MACROD2: variants seen among roughly 807,000 people sequenced by gnomAD.
MACROD2 encodes the protein ADP-ribose glycohydrolase MACROD2.
MACROD2 carries 36 observed loss-of-function variants against 70.4 expected under a neutral mutation model. The observed-to-expected ratio is 0.51, with a 90% CI of 0.39 to 0.68. The LOEUF (loss-of-function observed/expected upper bound fraction) is 0.68, where lower values mean the gene tolerates loss of function less well. MACROD2 is among the 30% of genes least tolerant of loss of function. The probability of loss-of-function intolerance (pLI) is 0.00; values close to 1 mark genes in which losing one functional copy is unlikely to be tolerated. For missense variants in MACROD2, 496 were observed against 538.4 expected, an observed-to-expected ratio of 0.92 and a Z score of 0.78; for synonymous variants, 172 against 178.8, an observed-to-expected ratio of 0.96 and a Z score of 0.30.
intron 5 of MACROD2, among the ~76,000 whole-genome samples, chr20:15,054,111 T>A (rs2075464108): frequency 6.6e-6 from 1 of 152,212 alleles, no homozygotes; most frequent in East Asian, 1.9e-4. Flanking sequence ...GAAACTGGTT[T>A]ATTGAGATGG....
chr20:15,993,521 C>T (rs1199748961), intron 15 of MACROD2, among the ~76,000 whole-genome samples: 2 of 151,898 alleles, frequency 1.3e-5, no homozygotes, highest in Non-Finnish European at 2.9e-5. Flanking sequence ...TAGGCTATAC[C>T]ATCGAGGTTT....
rs2064909450 is a variant in MACROD2, at chr20:15,892,807, T to G, written c.775+6996T>G. The G allele has an allele frequency of 1.5e-5, 6 of 394,602 alleles. No individual in the cohort carries two copies. In the East Asian group the frequency reaches 2.1e-4, roughly 14 times the overall value. The allele number at this position is 394,602 out of a possible 1,614,324, so 24.4% of individuals were successfully genotyped here. A position where few individuals can be genotyped will look rare whatever the true frequency, so the allele number is the denominator to read the frequency against. ...GCTCAGCCATGATGACAGATGAAAC[T>G]GCAATTAAGATTCAGCGTGTGTGTA... is the stretch of plus-strand genomic sequence containing the variant. On this transcript the variant is annotated intron_variant, in intron 10 of 17. Coordinates refer to ENST00000684519, the MANE Select transcript of MACROD2 (RefSeq NM_001351661.2).
intron 8 of MACROD2, among the ~76,000 whole-genome samples, chr20:15,765,797 A>T (rs2051513184): frequency 6.6e-6 from 1 of 152,226 alleles, no homozygotes; most frequent in Non-Finnish European, 1.5e-5. Context: ...CAGATAATAG[A>T]GCTTGTACTT....
rs147121584 is a variant in MACROD2 at position 14,773,710 on chromosome 20, A to G, written c.418+88751A>G. Among the ~76,000 whole-genome samples, 46 of 152,214 alleles carry G rather than the reference A, an allele frequency of 3.0e-4. 1 individual carries two copies. The highest frequency in any genetic ancestry group is 2.4e-3 in the Admixed American group (36 of 15,274). On this transcript the variant is annotated intron_variant, in intron 5 of 17. Transcript: ENST00000684519. ...AAAGGGCTTAACTCACATCTAATAT[A>G]TAGTTGACTTCATTGTACAGTAAGT...
chr20:14,911,552 CT>C (rs910021734), intron 5 of MACROD2, among the ~76,000 whole-genome samples: 6 of 151,244 alleles, frequency 4.0e-5, no homozygotes, highest in Non-Finnish European at 5.9e-5. Context: ...AACTTTTAAA[CT>C]TTTTTTTTAA....
At chr20:15,508,652 C>T (rs1018098749) in intron 8 of MACROD2, among the ~76,000 whole-genome samples, 11 of 152,284 alleles carry the variant, frequency 7.2e-5, no homozygotes, top group Middle Eastern at 3.4e-3. Flanking sequence ...GCCTGTCTAG[C>T]GTTGGGCACC....
intron 8 of MACROD2, among the ~76,000 whole-genome samples, chr20:15,578,397 T>A (rs912555173): frequency 3.3e-5 from 5 of 152,176 alleles, no homozygotes; most frequent in Non-Finnish European, 7.4e-5. Flanking sequence ...TTCACCTGCT[T>A]AAGGAAGATA....
intron 3 of MACROD2, among the ~76,000 whole-genome samples, chr20:14,268,327 T>G (rs1303777922): frequency 6.6e-6 from 1 of 152,178 alleles, no homozygotes; most frequent in Non-Finnish European, 1.5e-5. Context: ...AATGTTATTT[T>G]CCATTGGATT....
chr20:15,950,005 T>G (rs1003374297), intron 12 of MACROD2, among the ~76,000 whole-genome samples: 2 of 152,192 alleles, frequency 1.3e-5, no homozygotes, highest in South Asian at 4.1e-4. Context: ...TTTAAGAGTA[T>G]GTATTTTTCT....
intron 6 of MACROD2, among the ~76,000 whole-genome samples, chr20:15,390,956 A>T (rs1008860430): frequency 7.9e-5 from 12 of 152,186 alleles, no homozygotes; most frequent in Non-Finnish European, 1.5e-5. Flanking sequence ...TTCATTTGGA[A>T]GATGGAGATG....
chr20:15,027,863 CTG>C (rs1039789664), intron 5 of MACROD2, among the ~76,000 whole-genome samples: 2 of 152,166 alleles, frequency 1.3e-5, no homozygotes, highest in Non-Finnish European at 2.9e-5. Flanking sequence ...GCTGAATAAA[CTG>C]TGTGTTGTCT....
chr20:15,321,090 A>AGTTATTGAGCACG (rs1555804354), intron 6 of MACROD2, among the ~76,000 whole-genome samples: 1 of 104,526 alleles, frequency 9.6e-6, no homozygotes. Context: ...AAGTTGTTTC[A>AGTTATTGAGCACG]AAATGCATGC....
At chr20:15,744,774 A>G (rs2051157404) in intron 8 of MACROD2, among the ~76,000 whole-genome samples, 1 of 151,596 alleles carries the variant, frequency 6.6e-6, no homozygotes, top group South Asian at 2.1e-4. Flanking sequence ...TTTCAGAAGC[A>G]TTGTGTCTGT....
At chr20:14,114,897 G>T (rs918334121) in intron 3 of MACROD2, among the ~76,000 whole-genome samples, 8 of 152,080 alleles carry the variant, frequency 5.3e-5, no homozygotes, top group African/African-American at 1.7e-4. Context: ...ATCTAGAGGG[G>T]CTCAGTGTTG....
At chr20:15,437,949 C>T (rs1196554969) in intron 7 of MACROD2, among the ~76,000 whole-genome samples, 3 of 151,900 alleles carry the variant, frequency 2.0e-5, no homozygotes, top group Non-Finnish European at 4.4e-5. Context: ...GTGAATAGTG[C>T]TGCAATGAAC....
intron 3 of MACROD2, among the ~76,000 whole-genome samples, chr20:14,162,144 C>T (rs796222670): frequency 2.0e-5 from 3 of 152,228 alleles, no homozygotes; most frequent in African/African-American, 7.2e-5. Flanking sequence ...CATTCAGTAG[C>T]ACGTTGTTTA....
intron 3 of MACROD2, among the ~76,000 whole-genome samples, chr20:14,143,083 G>C (rs1208388952): frequency 1.3e-5 from 2 of 152,112 alleles, no homozygotes; most frequent in African/African-American, 4.8e-5. Flanking sequence ...GTCATCTCTT[G>C]ATGGTTATCA....
chr20:15,558,215 T>C (rs2048194510), intron 8 of MACROD2, among the ~76,000 whole-genome samples: 1 of 152,184 alleles, frequency 6.6e-6, no homozygotes, highest in South Asian at 2.1e-4. Context: ...CTATGAGCAC[T>C]TCACCACCAC....
chr20:14,912,065 G>A (rs370641015), intron 5 of MACROD2, among the ~76,000 whole-genome samples: 6 of 152,192 alleles, frequency 3.9e-5, no homozygotes, highest in Admixed American at 6.5e-5. Context: ...AACCTACAGC[G>A]TGCTACAGGA....
Sources: gnomAD v4.1 joint callset for allele counts (sites outside exome capture counted in the v4.1 genomes callset) on GRCh38, gnomAD v4.1.1 for gene constraint, MANE v1.5 for transcripts, NCBI Gene and HGNC (gene_info 2026-07-23, HGNC 2026-07-21) for gene names.